The following OTOGL variants were observed in gnomAD, a reference collection of about 807,000 sequenced individuals.
The protein encoded by OTOGL is otogelin like.
A neutral mutation model predicts 318.5 loss-of-function variants in OTOGL; 285 were observed. The ratio of observed to expected loss-of-function variants is 0.89; its 90% CI spans 0.81 to 0.99. The LOEUF (loss-of-function observed/expected upper bound fraction) is 0.99. Ranked by LOEUF, OTOGL falls within the 50% of genes least tolerant of loss-of-function variation. OTOGL has a pLI of 0.00. For synonymous variants in OTOGL, 987 were observed against 936.5 expected (o/e 1.05, Z -0.99); for missense variants, 2,899 against 2,845.6 (o/e 1.02, Z -0.43).
At chr12:80,164,589 T>C (rs1308364076) in intron 1 of OTOGL, among the ~76,000 whole-genome samples, 1 of 152,156 alleles carries the variant, frequency 6.6e-6, no homozygotes, top group Non-Finnish European at 1.5e-5. Flanking sequence ...AATGGCCACA[T>C]GTTCATTTCT....
At chr12:80,215,990 A>G (rs1877678432) in intron 4 of OTOGL, among the ~76,000 whole-genome samples, 2 of 152,220 alleles carry the variant, frequency 1.3e-5, no homozygotes, top group Non-Finnish European at 2.9e-5. Flanking sequence ...GAGATTAGAA[A>G]GAAATCTTCA....
At chr12:80,290,388 G>T (rs1884964942) in intron 26 of OTOGL, among the ~76,000 whole-genome samples, 1 of 151,916 alleles carries the variant, frequency 6.6e-6, no homozygotes, top group Non-Finnish European at 1.5e-5. Context: ...CTACTAGATA[G>T]TGCTGATGCT....
intron 26 of OTOGL, 120 bp downstream of exon 26, chr12:80,279,286 T>C (rs532871407): frequency 1.9e-5 from 20 of 1,062,274 alleles, no homozygotes; most frequent in Admixed American, 3.2e-5. Flanking sequence ...AAAACAATTA[T>C]ATATATTTTC....
chr12:80,358,674 G>A lies in OTOGL; in HGVS notation c.6125G>A (p.Cys2042Tyr), dbSNP rs1890056978. The change falls in exon 51 of 59, where the codon TGT (cysteine) becomes TAT (tyrosine). Residue 2042 changes from cysteine to tyrosine, a missense_variant. Cys to Tyr is a radical substitution (Grantham distance 194, BLOSUM62 -2). This residue lies in a region of OTOGL where 2,607 missense variants were observed against 2,524.9 expected (regional missense o/e 1.03). Coordinates refer to ENST00000547103, the MANE Select transcript of OTOGL (RefSeq NM_001378609.3). Reference sequence around the variant, plus strand: ...CCCATGTAATTTTTCTTTTTAGTATGTGAACCAAACCTTTGTCCTATGCCA... The same window carrying A: ...CCCATGTAATTTTTCTTTTTAGTATATGAACCAAACCTTTGTCCTATGCCA... ...HFCCPQYYCVCEPNLCPMPLL... is the reference protein window; with the variant it reads ...HFCCPQYYCVYEPNLCPMPLL... 6 of 1,606,012 alleles carry A rather than the reference G, an allele frequency of 3.7e-6. No individual in the cohort carries two copies. The highest frequency in any genetic ancestry group is 4.3e-6 in the Non-Finnish European group (5 of 1,175,696).
At chr12:80,292,710 A>G (rs930826247) in intron 26 of OTOGL, among the ~76,000 whole-genome samples, 1 of 152,250 alleles carries the variant, frequency 6.6e-6, no homozygotes, top group African/African-American at 2.4e-5. Flanking sequence ...TCTGTGGCAT[A>G]CAATAATTTA....
chr12:80,290,947 T>C (rs2137680066), intron 26 of OTOGL, among the ~76,000 whole-genome samples: 1 of 152,328 alleles, frequency 6.6e-6, no homozygotes, highest in African/African-American at 2.4e-5. Context: ...TCTTTCTAAG[T>C]CATTTTGCAG....
chr12:80,353,808 G>T (rs1409882075), intron 46 of OTOGL, among the ~76,000 whole-genome samples: 1 of 152,168 alleles, frequency 6.6e-6, no homozygotes, highest in Non-Finnish European at 1.5e-5. Context: ...CTTAATTCAT[G>T]TATTAGTTGT....
chr12:80,221,268 CTT>C (rs5799457), intron 6 of OTOGL, among the ~76,000 whole-genome samples: 21 of 136,998 alleles, frequency 1.5e-4, no homozygotes, highest in Non-Finnish European at 1.6e-4. Context: ...TCCAGCATAC[CTT>C]TTTTTTTTTT....
At chr12:80,219,495 G>A (rs1023888578) in intron 5 of OTOGL, among the ~76,000 whole-genome samples, 13 of 152,194 alleles carry the variant, frequency 8.5e-5, no homozygotes, top group Non-Finnish European at 1.6e-4. Flanking sequence ...TGCAGCTTGT[G>A]TATTTCTGGT....
chr12:80,172,696 T>C (rs1204654951), intron 1 of OTOGL, among the ~76,000 whole-genome samples: 1 of 152,156 alleles, frequency 6.6e-6, no homozygotes, highest in Non-Finnish European at 1.5e-5. Flanking sequence ...ATGGAATACT[T>C]TGCAGCCATA....
intron 11 of OTOGL, among the ~76,000 whole-genome samples, chr12:80,250,213 AC>A (rs1220744080): frequency 4.6e-5 from 7 of 152,116 alleles, no homozygotes; most frequent in Admixed American, 3.9e-4. Flanking sequence ...ATTCTTTAAT[AC>A]CCATTTTTCC....
chr12:80,291,161 G>T (rs1443292716), intron 26 of OTOGL, among the ~76,000 whole-genome samples: 2 of 152,064 alleles, frequency 1.3e-5, no homozygotes, highest in Non-Finnish European at 2.9e-5. Flanking sequence ...ATGTTTAATT[G>T]TAGAGAAATA....
At chr12:80,239,243 A>C (rs1265297112) in intron 10 of OTOGL, 90 bp from the exon 11 acceptor site, 1 of 1,103,146 alleles carries the variant, frequency 9.1e-7, no homozygotes, top group African/African-American at 1.6e-5. Context: ...GTGAGAACTG[A>C]AAATCTTGCA....
At chr12:80,309,247 C>T (rs764669497) in intron 29 of OTOGL, among the ~76,000 whole-genome samples, 9 of 152,060 alleles carry the variant, frequency 5.9e-5, no homozygotes, top group South Asian at 4.2e-4. Flanking sequence ...TGGAAAATTT[C>T]GAGGTGGAAA....
At chr12:80,157,832 C>T (rs1035999871) in intron 1 of OTOGL, among the ~76,000 whole-genome samples, 9 of 151,946 alleles carry the variant, frequency 5.9e-5, no homozygotes, top group African/African-American at 1.7e-4. Context: ...TGCTCTCTGG[C>T]TTATCTCACT....
chr12:80,249,976 G>T (rs187467692), intron 11 of OTOGL, among the ~76,000 whole-genome samples: 27 of 152,164 alleles, frequency 1.8e-4, no homozygotes, highest in South Asian at 4.1e-4. Flanking sequence ...GGAACTCCCT[G>T]ACCCCTTGCG....
chr12:80,217,742 T>C, intron 5 of OTOGL, 78 bp downstream of exon 5: 1 of 1,103,198 alleles, frequency 9.1e-7, no homozygotes. Context: ...CAAGTATTTA[T>C]TGTTTCCGTA....
intron 27 of OTOGL, among the ~76,000 whole-genome samples, chr12:80,297,470 T>G (rs895476872): frequency 6.6e-6 from 1 of 151,912 alleles, no homozygotes; most frequent in Non-Finnish European, 1.5e-5. Flanking sequence ...TAACTGGGAT[T>G]AACATATGCA....
chr12:80,129,675 C>A (rs1871116447), intron 1 of OTOGL, among the ~76,000 whole-genome samples: 1 of 151,944 alleles, frequency 6.6e-6, no homozygotes, highest in Non-Finnish European at 1.5e-5. Flanking sequence ...ACCTCTGTTT[C>A]TTCACTGCCT....
Sources: allele counts gnomAD v4.1 joint callset (sites outside exome capture counted in the v4.1 genomes callset), GRCh38; gene constraint gnomAD v4.1.1; regional missense constraint gnomAD v4.1.1; transcripts MANE v1.5; gene names NCBI Gene and HGNC (gene_info 2026-07-23, HGNC 2026-07-21).